The following MCTP1 variants were observed in gnomAD, a reference collection of about 807,000 sequenced individuals.
The protein encoded by MCTP1 is multiple C2 and transmembrane domain-containing protein 1.
A neutral mutation model predicts 120.6 loss-of-function variants in MCTP1; 69 were observed. That is an observed-to-expected ratio of 0.57 (90% CI 0.47 to 0.70). The LOEUF (loss-of-function observed/expected upper bound fraction) is 0.70. Among genes scored for constraint, MCTP1 ranks in the 30% least tolerant of loss-of-function variants. MCTP1 has a pLI of 0.00. For synonymous variants in MCTP1, 529 were observed against 493.1 expected (o/e 1.07, Z -0.96); for missense variants, 1,203 against 1,248.8 (o/e 0.96, Z 0.55).
At position 94,755,143 on chromosome 5, in the gene MCTP1, C is replaced by A. The variant is rs137970007; in HGVS notation, c.2610+23967G>T. ...CCCATCCTAACATTCACACTCATAG[C>A]AGGTGACCATTTCTTTGTTTTTCCT... On this transcript the variant is annotated intron_variant, in intron 19 of 22. Coordinates refer to ENST00000515393, the MANE Select transcript of MCTP1 (RefSeq NM_024717.7). 4.6e-5 allele frequency among the ~76,000 whole-genome samples: 7 copies of A among 152,288 alleles called. No homozygotes were observed. The East Asian group carries it at 1.2e-3, about 25-fold the overall frequency.
At chr5:94,960,032 A>G (rs1823730162) in intron 2 of MCTP1, among the ~76,000 whole-genome samples, 1 of 152,208 alleles carries the variant, frequency 6.6e-6, no homozygotes. Flanking sequence ...CTACAAGGCT[A>G]CAGTAACCAA....
chr5:95,274,131 C>T lies in MCTP1; in HGVS notation c.720+9725G>A, dbSNP rs540472087. On this transcript the variant is annotated intron_variant, in intron 1 of 22. Transcript: ENST00000515393. ...TCATATCTGGCCACACCTTCACTCT[C>T]ACCTTCATTCTCACTACCCCTCTGC... Among the ~76,000 whole-genome samples the T allele has an allele frequency of 1.6e-4, 24 of 152,312 alleles. No homozygotes were observed. In the South Asian group the frequency reaches 5.0e-3, roughly 32 times the overall value.
intron 1 of MCTP1, among the ~76,000 whole-genome samples, chr5:95,246,117 C>A (rs1317413010): frequency 6.6e-6 from 1 of 152,016 alleles, no homozygotes; most frequent in Non-Finnish European, 1.5e-5. Flanking sequence ...CCTTTACAGA[C>A]AAGAAATGCT....
chr5:94,895,304 T>A (rs1200779206), intron 10 of MCTP1, among the ~76,000 whole-genome samples: 2 of 152,208 alleles, frequency 1.3e-5, no homozygotes, highest in Non-Finnish European at 1.5e-5. Context: ...TGCCATACAT[T>A]TTACATTTTT....
intron 2 of MCTP1, among the ~76,000 whole-genome samples, chr5:94,983,326 G>A (rs1238127438): frequency 1.3e-5 from 2 of 152,148 alleles, no homozygotes; most frequent in African/African-American, 2.4e-5. Flanking sequence ...TTTTAAGCTT[G>A]CGGAAATTAG....
At chr5:94,944,252 C>A (rs1287375487) in intron 3 of MCTP1, among the ~76,000 whole-genome samples, 1 of 152,084 alleles carries the variant, frequency 6.6e-6, no homozygotes, top group African/African-American at 2.4e-5. Context: ...TTACATACAA[C>A]CTTTCAAGAA....
At chr5:95,280,185 AT>A (rs1260510565) in intron 1 of MCTP1, among the ~76,000 whole-genome samples, 3 of 151,964 alleles carry the variant, frequency 2.0e-5, no homozygotes, top group East Asian at 1.9e-4. Context: ...ATTGTAGAAA[AT>A]TTTTTTTCCA....
At chr5:94,777,671 A>G (rs1373327623) in intron 19 of MCTP1, among the ~76,000 whole-genome samples, 1 of 152,162 alleles carries the variant, frequency 6.6e-6, no homozygotes, top group East Asian at 1.9e-4. Flanking sequence ...GAGCTGGCAT[A>G]TTGAGTTAAA....
At chr5:95,003,356 C>G (rs912537928) in intron 2 of MCTP1, among the ~76,000 whole-genome samples, 2 of 152,152 alleles carry the variant, frequency 1.3e-5, no homozygotes, top group African/African-American at 2.4e-5. Context: ...CAGTCACATG[C>G]TGTACAGGAT....
chr5:95,113,455 A>G (rs558145967), intron 1 of MCTP1, among the ~76,000 whole-genome samples: 1 of 152,236 alleles, frequency 6.6e-6, no homozygotes, highest in East Asian at 1.9e-4. Flanking sequence ...GTGTGGAGAG[A>G]GAATCTGTGC....
chr5:95,129,169 GT>G (rs1164805713), intron 1 of MCTP1, among the ~76,000 whole-genome samples: 1 of 152,180 alleles, frequency 6.6e-6, no homozygotes, highest in Non-Finnish European at 1.5e-5. Flanking sequence ...TTCATGCAAG[GT>G]TAAAGTGAAT....
At chr5:95,166,349 T>C (rs1207502859) in intron 1 of MCTP1, among the ~76,000 whole-genome samples, 2 of 152,166 alleles carry the variant, frequency 1.3e-5, no homozygotes, top group Non-Finnish European at 2.9e-5. Flanking sequence ...CATCAAAACA[T>C]ACCTCTCCAA....
In MCTP1 at chr5:94,727,887, GTTC is replaced by G. The variant is rs145022976; in HGVS notation, c.2611-13004_2611-13002del. Among the ~76,000 whole-genome samples, 49 of 152,294 alleles carry G rather than the reference GTTC, an allele frequency of 3.2e-4. No individual in the cohort carries two copies. The East Asian group carries it at 8.3e-3, about 26-fold the overall frequency. Reference sequence around the variant, plus strand: ...CAATTGTCCTCCTTAAGATAATAGAGTTCTTCAATGAAATTCAACAAAACATAG... The same window carrying G: ...CAATTGTCCTCCTTAAGATAATAGAGTTCAATGAAATTCAACAAAACATAG... On this transcript the variant is annotated intron_variant, in intron 19 of 22. Coordinates refer to ENST00000515393, the MANE Select transcript of MCTP1 (RefSeq NM_024717.7).
chr5:95,120,067 C>G (rs1758101507), intron 1 of MCTP1, among the ~76,000 whole-genome samples: 1 of 150,258 alleles, frequency 6.7e-6, no homozygotes, highest in Non-Finnish European at 1.5e-5. Context: ...GTCCCAGCTA[C>G]TCAGGAGGCT....
chr5:94,874,994 T>C (rs1798533811), intron 12 of MCTP1, among the ~76,000 whole-genome samples: 1 of 152,152 alleles, frequency 6.6e-6, no homozygotes, highest in Non-Finnish European at 1.5e-5. Context: ...TATTTATTAC[T>C]TACCATGTAG....
intron 1 of MCTP1, among the ~76,000 whole-genome samples, chr5:95,164,818 T>C (rs931585791): frequency 2.6e-5 from 4 of 152,142 alleles, no homozygotes; most frequent in Admixed American, 6.5e-5. Flanking sequence ...AAACTCCAAG[T>C]GGCCTAATAC....
chr5:94,773,806 G>T (rs1390960606), intron 19 of MCTP1, among the ~76,000 whole-genome samples: 1 of 152,148 alleles, frequency 6.6e-6, no homozygotes, highest in Non-Finnish European at 1.5e-5. Flanking sequence ...GCACAGGAAA[G>T]ATCCACTCCA....
chr5:94,841,437 T>C (rs1791029876), intron 17 of MCTP1, among the ~76,000 whole-genome samples: 3 of 152,170 alleles, frequency 2.0e-5, no homozygotes, highest in Non-Finnish European at 4.4e-5. Flanking sequence ...CATTTCATAG[T>C]GGCACAACTC....
intron 19 of MCTP1, among the ~76,000 whole-genome samples, chr5:94,767,553 A>C (rs920509246): frequency 6.6e-6 from 1 of 152,194 alleles, no homozygotes; most frequent in African/African-American, 2.4e-5. Context: ...CAGATAAACA[A>C]ATTCAATATA....
Sources: allele counts gnomAD v4.1 joint callset (sites outside exome capture counted in the v4.1 genomes callset), GRCh38; gene constraint gnomAD v4.1.1; transcripts MANE v1.5; gene names NCBI Gene and HGNC (gene_info 2026-07-23, HGNC 2026-07-21).